The following BSN variants were observed in gnomAD, a reference collection of about 807,000 sequenced individuals.
The protein encoded by BSN is bassoon presynaptic cytomatrix protein, also known as protein bassoon.
Under a neutral mutation model 264.8 loss-of-function variants are expected in BSN, and 57 were observed. The ratio of observed to expected loss-of-function variants is 0.22; its 90% CI spans 0.17 to 0.27. The LOEUF (loss-of-function observed/expected upper bound fraction) is 0.27, where lower values mean the gene tolerates loss of function less well. BSN is among the 10% of genes least tolerant of loss of function. The pLI, the probability that BSN is intolerant of heterozygous loss-of-function variation, is 1.00. For missense variants in BSN, 4,615 were observed against 5,232.5 expected (o/e 0.88, Z 3.64); for synonymous variants, 2,059 against 2,137.3 (o/e 0.96, Z 1.01).
At chr3:49,582,278 A>G (rs1162716364) in intron 1 of BSN, among the ~76,000 whole-genome samples, 1 of 152,156 alleles carries the variant, frequency 6.6e-6, no homozygotes, top group Non-Finnish European at 1.5e-5. Context: ...AAATCTTTAG[A>G]GAAATGTCTG....
intron 1 of BSN, among the ~76,000 whole-genome samples, chr3:49,567,673 A>T (rs910355612): frequency 6.6e-6 from 1 of 152,254 alleles, no homozygotes; most frequent in African/African-American, 2.4e-5. Context: ...GGTTAAGCCC[A>T]AGTCAAGGAG....
intron 11 of BSN, among the ~76,000 whole-genome samples, chr3:49,666,639 G>A (rs933768184): frequency 2.6e-5 from 4 of 152,212 alleles, no homozygotes; most frequent in Non-Finnish European, 5.9e-5. Flanking sequence ...TGAGGGAGGA[G>A]GACGACTGCG....
rs2052562856 is a variant in BSN at position 49,653,484 on chromosome 3, C to T, written c.3928C>T (p.Pro1310Ser). The T allele has an allele frequency of 6.2e-7, 1 of 1,613,870 alleles. No homozygotes were observed. The highest frequency in any genetic ancestry group is 1.3e-5 in the African/African-American group (1 of 74,880). Residue 1310 changes from proline to serine, a missense_variant, in exon 5 of 12, where the codon CCT becomes TCT. Around this residue, in one of 3 missense-constraint regions of BSN, gnomAD observed 3,415 missense variants for 3,866.4 expected, o/e 0.88. Coordinates refer to ENST00000296452, the MANE Select transcript of BSN (RefSeq NM_003458.4). The surrounding 1 kb of genome is among the most constrained non-coding windows in gnomAD (Gnocchi z 6.3). ...GAAGCAAAATGGTGGCCCCCTTACC[C>T]CTGGTACCAGTCCCACCCAGCTCGC... The part of the protein sequence containing the change: ...PMKQNGGPLT[P>S]GTSPTQLAAP...
Position 49,643,115 on chromosome 3 carries a change from A to T in BSN, c.1481A>T (p.Asn494Ile), listed in dbSNP as rs201532186. 320 of 1,612,502 alleles carry T rather than the reference A, an allele frequency of 2.0e-4. No homozygotes were observed. Among genetic ancestry groups the T allele is most frequent in the Non-Finnish European group, 2.4e-4 (282 of 1,179,140 alleles). The change falls in exon 3 of 12, where the codon AAC becomes ATC. Residue 494 changes from asparagine (N) to isoleucine (I), a missense_variant. Asn to Ile is a moderately radical substitution (Grantham distance 149). Around this residue, in one of 3 missense-constraint regions of BSN, gnomAD observed 1,197 missense variants for 1,348.0 expected, o/e 0.89. Coordinates refer to ENST00000296452, the MANE Select transcript of BSN (RefSeq NM_003458.4). ...TCTTCRLQVC[N>I]LCGFNPTPHL... ...ACCACCTGCAGGCTCCAGGTGTGCA[A>T]CCTGTGTGGCTTCAACCCAACACCC...
Position 49,655,692 on chromosome 3 carries a change from C to T in BSN, c.6136C>T (p.Arg2046Cys), listed in dbSNP as rs868162971. 17 of 1,613,470 alleles carry T rather than the reference C, an allele frequency of 1.1e-5. No individual in the cohort carries two copies. Among genetic ancestry groups the T allele is most frequent in the East Asian group, 2.2e-5 (1 of 44,896 alleles). The part of the protein sequence containing the change: ...GLQYGSVTDL[R>C]HPTDLLAHPL... Reference sequence around the variant, plus strand: ...GCAGTATGGCTCAGTCACGGACCTGCGTCATCCTACAGACCTTTTGGCTCA... The same window carrying T: ...GCAGTATGGCTCAGTCACGGACCTGTGTCATCCTACAGACCTTTTGGCTCA... The change falls in exon 5 of 12, where the codon CGT (arginine) becomes TGT (cysteine). Residue 2046 changes from arginine (R) to cysteine (C), a missense_variant. Coordinates refer to ENST00000296452, the MANE Select transcript of BSN (RefSeq NM_003458.4).
In BSN at chr3:49,658,129, C is replaced by T. The variant is rs2052626751; in HGVS notation, c.8573C>T (p.Pro2858Leu). The change falls in exon 5 of 12, where the codon CCC (proline) becomes CTC (leucine). Residue 2858 changes from proline to leucine, a missense_variant. By Grantham distance (98) the Pro-to-Leu change is moderately conservative. Transcript: ENST00000296452. ...CTGTCTGACCCTAAGCCCCTCAGCCCCACCGCCGAAGAGTCTGCCAAAGAG... is the reference window on the plus strand; with the variant it reads ...CTGTCTGACCCTAAGCCCCTCAGCCTCACCGCCGAAGAGTCTGCCAAAGAG... ...RSLSDPKPLS[P>L]TAEESAKERF... The T allele has an allele frequency of 6.2e-7, 1 of 1,609,508 alleles. No individual in the cohort carries two copies. Among genetic ancestry groups the T allele is most frequent in the Non-Finnish European group, 8.5e-7 (1 of 1,177,682 alleles).
chr3:49,649,817 G>A (rs1247792109), intron 3 of BSN, among the ~76,000 whole-genome samples: 1 of 152,240 alleles, frequency 6.6e-6, no homozygotes, highest in Non-Finnish European at 1.5e-5. Flanking sequence ...AGGATCCTGA[G>A]AGTGGTGGAC....
At position 49,660,275 on chromosome 3, in the gene BSN, C is replaced by T. The variant is rs1271883936; in HGVS notation, c.8641-211C>T. On this transcript the variant is annotated intron_variant, in intron 5 of 11. Transcript: ENST00000296452. The surrounding 1 kb of genome is among the most constrained non-coding windows in gnomAD (Gnocchi z 7.1). ...CCCAAAGCTCTGGGAAAGAGAAGGGCTGTAAAATAATCACAGATCTTCCCT... is the reference window on the plus strand; with the variant it reads ...CCCAAAGCTCTGGGAAAGAGAAGGGTTGTAAAATAATCACAGATCTTCCCT... Among the ~76,000 whole-genome samples the T allele has an allele frequency of 3.3e-5, 5 of 152,118 alleles. No homozygotes were observed. Among genetic ancestry groups the T allele is most frequent in the African/African-American group, 1.2e-4 (5 of 41,408 alleles).
At chr3:49,644,444 C>A (rs1409659591) in intron 3 of BSN, among the ~76,000 whole-genome samples, 8 of 152,180 alleles carry the variant, frequency 5.3e-5, no homozygotes, top group African/African-American at 1.9e-4. Flanking sequence ...CCACCAAAGG[C>A]CACACTTTCC....
intron 1 of BSN, among the ~76,000 whole-genome samples, chr3:49,580,811 C>A (rs1054812581): frequency 1.3e-5 from 2 of 151,962 alleles, no homozygotes; most frequent in East Asian, 3.9e-4. Flanking sequence ...CATAAATTTG[C>A]CATTTTAACC....
At chr3:49,559,283 A>G (rs1351380309) in intron 1 of BSN, among the ~76,000 whole-genome samples, 2 of 152,118 alleles carry the variant, frequency 1.3e-5, no homozygotes, top group African/African-American at 4.8e-5. Context: ...AACATACATG[A>G]AAGTAGAGGA....
Position 49,661,284 on chromosome 3 carries a change from C to G in BSN, c.9439C>G (p.Gln3147Glu). 6.2e-7 allele frequency: 1 copy of G among 1,613,876 alleles called. No individual in the cohort carries two copies. Among genetic ancestry groups the G allele is most frequent in the South Asian group, 1.1e-5 (1 of 91,086 alleles). The change falls in exon 6 of 12, where the codon CAG becomes GAG. Residue 3147 changes from glutamine (Q) to glutamate (E), a missense_variant. Around this residue, in one of 3 missense-constraint regions of BSN, gnomAD observed 3,415 missense variants for 3,866.4 expected, o/e 0.88. Transcript: ENST00000296452. ...DSRAPLQKPR[Q>E]TSLADLEQKV... is the part of the protein sequence containing the mutation. ...CCGTGCCCCACTGCAGAAGCCACGC[C>G]AGACATCGCTAGCCGACTTGGAGCA...
intron 11 of BSN, among the ~76,000 whole-genome samples, chr3:49,666,471 A>G (rs2052714611): frequency 6.6e-6 from 1 of 152,236 alleles, no homozygotes; most frequent in African/African-American, 2.4e-5. Context: ...ACAATCCATT[A>G]AAGGAGATAG....
intron 2 of BSN, among the ~76,000 whole-genome samples, chr3:49,627,047 G>C (rs564892155): frequency 6.6e-6 from 1 of 152,264 alleles, no homozygotes; most frequent in East Asian, 1.9e-4. Context: ...TGAGGCTCAG[G>C]GCCAGGAGAA....
chr3:49,567,210 A>G (rs1295229306), intron 1 of BSN, among the ~76,000 whole-genome samples: 2 of 152,208 alleles, frequency 1.3e-5, no homozygotes, highest in African/African-American at 4.8e-5. Flanking sequence ...CCCTTAGGTT[A>G]TCCCTTTTCA....
chr3:49,639,577 A>G (rs1208401476), intron 2 of BSN, among the ~76,000 whole-genome samples: 1 of 152,220 alleles, frequency 6.6e-6, no homozygotes, highest in Non-Finnish European at 1.5e-5. Context: ...CTGCCTCGGC[A>G]TCACTGTTCT....
chr3:49,592,766 A>G (rs2051989961), intron 1 of BSN, among the ~76,000 whole-genome samples: 1 of 151,734 alleles, frequency 6.6e-6, no homozygotes, highest in Non-Finnish European at 1.5e-5. Context: ...AAAAAAAAAG[A>G]AATAATACAG....
chr3:49,610,039 A>G (rs1475315720), intron 1 of BSN, among the ~76,000 whole-genome samples: 1 of 152,196 alleles, frequency 6.6e-6, no homozygotes, highest in Non-Finnish European at 1.5e-5. Flanking sequence ...CTCTGTGGTC[A>G]CTGTGTGTAG....
chr3:49,666,976 T>A (rs1279247414), intron 11 of BSN, among the ~76,000 whole-genome samples: 1 of 152,118 alleles, frequency 6.6e-6, no homozygotes, highest in Non-Finnish European at 1.5e-5. Flanking sequence ...CAAGTGGTGC[T>A]GAAAGTGGGG....
Sources: allele counts gnomAD v4.1 joint callset (sites outside exome capture counted in the v4.1 genomes callset), GRCh38; gene constraint gnomAD v4.1.1; regional missense constraint gnomAD v4.1.1; non-coding constraint Gnocchi (gnomAD v3.1); transcripts MANE v1.5; gene names NCBI Gene and HGNC (gene_info 2026-07-23, HGNC 2026-07-21).